OR10A6: variants seen among roughly 807,000 people sequenced by gnomAD.
OR10A6 encodes the protein olfactory receptor 10A6.
A neutral mutation model predicts 1.5 loss-of-function variants in OR10A6; 2 were observed. The observed-to-expected ratio is 1.31, with a 90% CI of 0.54 to 4.13. The LOEUF is 4.13. Among genes scored for constraint, OR10A6 ranks in the 30% most tolerant of loss-of-function variants. OR10A6 has a pLI of 0.07. For synonymous variants in OR10A6, 169 were observed against 137.3 expected, an observed-to-expected ratio of 1.23 and a Z score of -1.61; for missense variants, 492 against 368.6, an observed-to-expected ratio of 1.33 and a Z score of -2.74.
rs767624783 is a variant in OR10A6 at position 7,928,347 on chromosome 11, G to C, written c.316C>G (p.Leu106Val). The C allele has an allele frequency of 6.2e-7, 1 of 1,613,976 alleles. No homozygotes were observed. The highest frequency in any genetic ancestry group is 8.5e-7 in the Non-Finnish European group (1 of 1,179,928). ...AGAAAACATTCAGCCCCACCAAAAA[G>C]AAGGATGAAATACATCTGTGCAAAA... ...GCFAQMYFILLFGGAECFLLG... is the reference protein window; with the variant it reads ...GCFAQMYFILVFGGAECFLLG... The change falls in exon 4 of 4, where the codon CTT (leucine) becomes GTT (valine). Residue 106 changes from leucine (L) to valine (V), a missense_variant. By Grantham distance (32) the Leu-to-Val change is conservative. Coordinates refer to ENST00000641238, the MANE Select transcript of OR10A6 (RefSeq NM_001004461.2).
rs1859376133 is a variant in OR10A6, at chr11:7,925,377, A to G, written c.*2341T>C. 1 of 152,168 alleles carries G rather than the reference A, an allele frequency of 6.6e-6. No individual in the cohort carries two copies. The highest frequency in any genetic ancestry group is 1.9e-4 in the East Asian group (1 of 5,186). The allele number at this position is 152,168 out of a possible 1,614,324, so 9.4% of individuals were successfully genotyped here. A position where few individuals can be genotyped will look rare whatever the true frequency, so the allele number is the denominator to read the frequency against. On this transcript the variant is annotated 3_prime_UTR_variant, in exon 4 of 4. Transcript: ENST00000641238. ...ATACACACACACATACAAATTTAGA[A>G]TTAGAGTGACCTAATTTCTTATTGT...
In OR10A6 at chr11:7,929,962, GTATGTATA is replaced by G. The variant is rs902194840; in HGVS notation, c.-1308_-1301del. ...AAGCTCTAGTAAGGTATGTGTATGT[GTATGTATA>G]TATATATATATATATATATATATAA... On this transcript the variant is annotated 5_prime_UTR_variant, in exon 4 of 4. Coordinates refer to ENST00000641238, the MANE Select transcript of OR10A6 (RefSeq NM_001004461.2). 9 of 24,812 alleles carry G rather than the reference GTATGTATA, an allele frequency of 3.6e-4. 1 individual carries two copies. The highest frequency in any genetic ancestry group is 7.0e-4 in the African/African-American group (4 of 5,754). 1.5% of individuals were successfully genotyped at this position (24,812 alleles called of 1,614,324 possible). A position where few individuals can be genotyped will look rare whatever the true frequency, so the allele number is the denominator to read the frequency against.
rs1859457292 is a variant in OR10A6 at position 7,928,305 on chromosome 11, A to G, written c.358T>C (p.Tyr120His). 3 of 1,613,802 alleles carry G rather than the reference A, an allele frequency of 1.9e-6. No homozygotes were observed. The Admixed American group carries it at 5.0e-5, about 27-fold the overall frequency. ...AECFLLGAMA[Y>H]DRFAAICHPL... ...TGGCAAATTGCAGCAAATCGGTCAT[A>G]AGCCATTGCTCCCAGAAGAAAACAT... The change falls in exon 4 of 4, where the codon TAT (tyrosine) becomes CAT (histidine). Residue 120 changes from tyrosine to histidine, a missense_variant. Tyr to His is a moderately conservative substitution (Grantham distance 83). Transcript: ENST00000641238.
chr11:7,928,214 G>T lies in OR10A6; in HGVS notation c.449C>A (p.Ala150Asp), dbSNP rs1325230990. The change falls in exon 4 of 4, where the codon GCC (alanine) becomes GAC (aspartate). Residue 150 changes from alanine to aspartate, a missense_variant. Coordinates refer to ENST00000641238, the MANE Select transcript of OR10A6 (RefSeq NM_001004461.2). ...VFMKLIIFSW[A>D]LGFMLGTVQT... ...AACAGTACCTAACATAAAACCTAAG[G>T]CCCATGAAAATATAATTAATTTCAT... 1.9e-6 allele frequency: 3 copies of T among 1,610,322 alleles called. No homozygotes were observed. The highest frequency in any genetic ancestry group is 2.5e-6 in the Non-Finnish European group (3 of 1,177,636).
chr11:7,928,644 T>C lies in OR10A6; in HGVS notation c.19A>G (p.Ser7Gly), dbSNP rs1385777267. 1 of 1,602,098 alleles carries C rather than the reference T, an allele frequency of 6.2e-7. No homozygotes were observed. Among genetic ancestry groups the C allele is most frequent in the Non-Finnish European group, 8.5e-7 (1 of 1,175,946 alleles). The change falls in exon 4 of 4, where the codon AGC becomes GGC. Residue 7 changes from serine (S) to glycine (G), a missense_variant. Transcript: ENST00000641238. MERQNQ[S>G]CVVEFILLGF... ...AAGAGGATGAATTCAACCACACAGC[T>C]TTGATTTTGTCTTTCCATTTTCAGT...
Position 7,924,839 on chromosome 11 carries a change from G to C in OR10A6, c.*2879C>G, listed in dbSNP as rs1335790063. On this transcript the variant is annotated 3_prime_UTR_variant, in exon 4 of 4. Coordinates refer to ENST00000641238, the MANE Select transcript of OR10A6 (RefSeq NM_001004461.2). The stretch of plus-strand genomic sequence containing the variant: ...TGCACTATCTCTAGCCTCATGGCTT[G>C]TTTCAGGTAGAAGGAAGGAGGAGGT... 1.3e-5 allele frequency: 2 copies of C among 152,130 alleles called. No homozygotes were observed. Among genetic ancestry groups the C allele is most frequent in the African/African-American group, 2.4e-5 (1 of 41,436 alleles). The allele number at this position is 152,130 out of a possible 1,614,324, so 9.4% of individuals were successfully genotyped here.
Position 7,927,925 on chromosome 11 carries a change from T to C in OR10A6, c.738A>G (p.Thr246=). 6.2e-7 allele frequency: 1 copy of C among 1,614,004 alleles called. No homozygotes were observed. Among genetic ancestry groups the C allele is most frequent in the South Asian group, 1.1e-5 (1 of 91,076 alleles). ...CTGTGCCATAGAATAGGGTCACAGATGTGAGGTGAGCGGCACAGGTGGAAA... is the reference window on the plus strand; with the variant it reads ...CTGTGCCATAGAATAGGGTCACAGACGTGAGGTGAGCGGCACAGGTGGAAA... ...KAFSTCAAHL[T]SVTLFYGTAS... The change falls in exon 4 of 4, where the codon ACA becomes ACG. Residue 246 remains threonine, a synonymous_variant. Transcript: ENST00000641238.
In OR10A6 at chr11:7,930,969, T is replaced by C. The variant is rs1202765932; in HGVS notation, c.-1883+18A>G. On this transcript the variant is annotated intron_variant, in intron 2 of 3. Transcript: ENST00000641238. ...GCAAACTCCAGAATATGATGATTTA[T>C]GCATGCAAAGCACTTACACTTCTAC... 1 of 152,208 alleles carries C rather than the reference T, an allele frequency of 6.6e-6. No homozygotes were observed. Among genetic ancestry groups the C allele is most frequent in the African/African-American group, 2.4e-5 (1 of 41,460 alleles). The allele number at this position is 152,208 out of a possible 1,614,324, so 9.4% of individuals were successfully genotyped here. A position where few individuals can be genotyped will look rare whatever the true frequency, so the allele number is the denominator to read the frequency against.
chr11:7,927,871 A>G lies in OR10A6; in HGVS notation c.792T>C (p.Ser264=), dbSNP rs1184378602. 2 of 1,614,022 alleles carry G rather than the reference A, an allele frequency of 1.2e-6. No individual in the cohort carries two copies. Among genetic ancestry groups the G allele is most frequent in the Non-Finnish European group, 1.7e-6 (2 of 1,179,978 alleles). The change falls in exon 4 of 4, where the codon TCT becomes TCC. Residue 264 remains serine, a synonymous_variant. Transcript: ENST00000641238. ...TASMTYLQPK[S]GYSPETKKVM... ...CTTTCTTGGTTTCCGGTGAGTAGCC[A>G]GATTTGGGTTGTAAATAAGTCATAC...
chr11:7,924,642 C>A lies in OR10A6; in HGVS notation c.*3076G>T, dbSNP rs995839907. ...AAAACCTAGCAAATACTGGATTAAA[C>A]AAAGACAAGGTTTATTTCTCTGAAG... On this transcript the variant is annotated 3_prime_UTR_variant, in exon 4 of 4. Coordinates refer to ENST00000641238, the MANE Select transcript of OR10A6 (RefSeq NM_001004461.2). 3.3e-5 allele frequency: 5 copies of A among 150,352 alleles called. No individual in the cohort carries two copies. Among genetic ancestry groups the A allele is most frequent in the African/African-American group, 9.8e-5 (4 of 40,808 alleles). 9.3% of individuals were successfully genotyped at this position (150,352 alleles called of 1,614,324 possible). A position where few individuals can be genotyped will look rare whatever the true frequency, so the allele number is the denominator to read the frequency against.
In OR10A6 at chr11:7,929,755, T is replaced by TATATATATATATATATACATAC. The variant is rs55811645; in HGVS notation, c.-1094_-1093insGTATGTATATATATATATATAT. On this transcript the variant is annotated 5_prime_UTR_variant, in exon 4 of 4. The change creates a new upstream start codon in the 5' untranslated region. Coordinates refer to ENST00000641238, the MANE Select transcript of OR10A6 (RefSeq NM_001004461.2). ...ATATATATATATATATATATATATA[T>TATATATATATATATATACATAC]ACACACACATGCACACATATATATA... 8.2e-5 allele frequency: 8 copies of TATATATATATATATATACATAC among 97,268 alleles called. No individual in the cohort carries two copies. The highest frequency in any genetic ancestry group is 2.1e-4 in the African/African-American group (6 of 28,012). The allele number at this position is 97,268 out of a possible 1,614,324, so 6.0% of individuals were successfully genotyped here.
In OR10A6 at chr11:7,925,790, G is replaced by C. The variant is rs898828973; in HGVS notation, c.*1928C>G. 1.3e-5 allele frequency: 2 copies of C among 152,216 alleles called. No homozygotes were observed. Among genetic ancestry groups the C allele is most frequent in the Non-Finnish European group, 1.5e-5 (1 of 68,030 alleles). The allele number at this position is 152,216 out of a possible 1,614,324, so 9.4% of individuals were successfully genotyped here. A position where few individuals can be genotyped will look rare whatever the true frequency, so the allele number is the denominator to read the frequency against. On this transcript the variant is annotated 3_prime_UTR_variant, in exon 4 of 4. Transcript: ENST00000641238. ...CAATCAAAGGCTTTTGCTGAGGGCTGTTTGGTGCCCAAATGAAAACAGTAT... is the reference window on the plus strand; with the variant it reads ...CAATCAAAGGCTTTTGCTGAGGGCTCTTTGGTGCCCAAATGAAAACAGTAT...
Position 7,926,452 on chromosome 11 carries a change from A to C in OR10A6, c.*1266T>G, listed in dbSNP as rs915605521. 6.6e-6 allele frequency: 1 copy of C among 152,166 alleles called. No homozygotes were observed. The highest frequency in any genetic ancestry group is 1.5e-5 in the Non-Finnish European group (1 of 68,026). The allele number at this position is 152,166 out of a possible 1,614,324, so 9.4% of individuals were successfully genotyped here. On this transcript the variant is annotated 3_prime_UTR_variant, in exon 4 of 4. Coordinates refer to ENST00000641238, the MANE Select transcript of OR10A6 (RefSeq NM_001004461.2). Reference sequence around the variant, plus strand: ...GAAGAAAAGTCCTGCATCATTACCCACAAGGTTCCAGCCTTCTTCTCATGA... The same window carrying C: ...GAAGAAAAGTCCTGCATCATTACCCCCAAGGTTCCAGCCTTCTTCTCATGA...
At chr11:7,931,168 G>T (rs150010768) in intron 1 of OR10A6, 29 bp downstream of exon 1, 1 of 151,992 alleles carries the variant, frequency 6.6e-6, no homozygotes. Flanking sequence ...CCACCAAAAC[G>T]CACAGGAGCA....
In OR10A6 at chr11:7,927,015, A is replaced by G. The variant is rs1859414510; in HGVS notation, c.*703T>C. The G allele has an allele frequency of 6.6e-6, 1 of 152,228 alleles. No homozygotes were observed. The highest frequency in any genetic ancestry group is 1.5e-5 in the Non-Finnish European group (1 of 68,038). 9.4% of individuals were successfully genotyped at this position (152,228 alleles called of 1,614,324 possible). A position where few individuals can be genotyped will look rare whatever the true frequency, so the allele number is the denominator to read the frequency against. On this transcript the variant is annotated 3_prime_UTR_variant, in exon 4 of 4. Coordinates refer to ENST00000641238, the MANE Select transcript of OR10A6 (RefSeq NM_001004461.2). ...AGTGGAAAGGACAGCCGTACTTTAA[A>G]TGACCTTCAAAAATGATCACATGAT...
chr11:7,929,437 A>C lies in OR10A6; in HGVS notation c.-775T>G, dbSNP rs1404442995. 1 of 151,996 alleles carries C rather than the reference A, an allele frequency of 6.6e-6. No homozygotes were observed. The highest frequency in any genetic ancestry group is 2.4e-5 in the African/African-American group (1 of 41,382). The allele number at this position is 151,996 out of a possible 1,614,324, so 9.4% of individuals were successfully genotyped here. A position where few individuals can be genotyped will look rare whatever the true frequency, so the allele number is the denominator to read the frequency against. ...TTTGGGGGATCATTGTGTAATTTAA[A>C]AGATTTCACTCTCTCTCTCCTTTTC... On this transcript the variant is annotated 5_prime_UTR_variant, in exon 4 of 4. Coordinates refer to ENST00000641238, the MANE Select transcript of OR10A6 (RefSeq NM_001004461.2).
In OR10A6 at chr11:7,927,641, T is replaced by A; in HGVS notation, c.*77A>T. 9.7e-7 allele frequency: 1 copy of A among 1,028,092 alleles called. No individual in the cohort carries two copies. Among genetic ancestry groups the A allele is most frequent in the Non-Finnish European group, 1.4e-6 (1 of 702,578 alleles). 63.7% of individuals were successfully genotyped at this position (1,028,092 alleles called of 1,614,324 possible). On this transcript the variant is annotated 3_prime_UTR_variant, in exon 4 of 4. Transcript: ENST00000641238. ...ATACTCATGCCAAAAAATGCAAACT[T>A]AATGAATCTAAATTTATTAAATTTA...
chr11:7,927,766 C>A lies in OR10A6; in HGVS notation c.897G>T (p.Arg299Ser). ...GCCTTCGCCATAATTTCATCAAAGC[C>A]CTCTTCATCTCACTATTTCGCAAAC... The part of the protein sequence containing the change: ...IYSLRNSEMK[R>S]ALMKLWRRRV... Residue 299 changes from arginine to serine, a missense_variant, in exon 4 of 4, where the codon AGG becomes AGT. Arg to Ser is a moderately radical substitution (Grantham distance 110). Transcript: ENST00000641238. The A allele has an allele frequency of 6.2e-7, 1 of 1,613,796 alleles. No individual in the cohort carries two copies. Among genetic ancestry groups the A allele is most frequent in the Middle Eastern group, 1.7e-4 (1 of 6,060 alleles).
rs58402229 is a variant in OR10A6, at chr11:7,929,966, G to GTATATATATGTATGTATATATATATATA, written c.-1305_-1304insTATATATATATATACATACATATATATA. The GTATATATATGTATGTATATATATATATA allele has an allele frequency of 1.7e-5, 1 of 57,262 alleles. No individual in the cohort carries two copies. The highest frequency in any genetic ancestry group is 7.3e-4 in the East Asian group (1 of 1,378). The allele number at this position is 57,262 out of a possible 1,614,324, so 3.5% of individuals were successfully genotyped here. ...TCTAGTAAGGTATGTGTATGTGTAT[G>GTATATATATGTATGTATATATATATATA]TATATATATATATATATATATATAT... On this transcript the variant is annotated 5_prime_UTR_variant, in exon 4 of 4. Coordinates refer to ENST00000641238, the MANE Select transcript of OR10A6 (RefSeq NM_001004461.2).
Sources: allele counts gnomAD v4.1 joint callset, GRCh38; gene constraint gnomAD v4.1.1; transcripts MANE v1.5; gene names NCBI Gene and HGNC (gene_info 2026-07-23, HGNC 2026-07-21).